CNGB1: variants seen among roughly 807,000 people sequenced by gnomAD.
CNGB1 encodes cyclic nucleotide gated channel subunit beta 1.
In CNGB1, 126 loss-of-function variants were observed where a neutral mutation model predicts 151.7. The observed-to-expected ratio is 0.83, with a 90% confidence interval of 0.72 to 0.96. The LOEUF is 0.96. Ranked by LOEUF, CNGB1 falls within the 40% of genes least tolerant of loss-of-function variation. The probability of loss-of-function intolerance (pLI) is 0.00; values close to 1 mark genes in which losing one functional copy is unlikely to be tolerated. For missense variants in CNGB1, 1,698 were observed against 1,627.0 expected, an observed-to-expected ratio of 1.04 and a Z score of -0.75; for synonymous variants, 623 against 635.1, an observed-to-expected ratio of 0.98 and a Z score of 0.29.
intron 14 of CNGB1, among the ~76,000 whole-genome samples, chr16:57,942,490 A>G (rs367795655): frequency 6.6e-6 from 1 of 152,330 alleles, no homozygotes; most frequent in East Asian, 1.9e-4. Context: ...GCTATAAAAT[A>G]AAATAAAATG....
chr16:57,956,982 G>C (rs1245445114), intron 12 of CNGB1, among the ~76,000 whole-genome samples: 4 of 152,144 alleles, frequency 2.6e-5, no homozygotes, highest in African/African-American at 9.7e-5. Context: ...CCTTCAGCTT[G>C]GCCAAACCCA....
chr16:57,907,589 G>A (rs1226548271), intron 25 of CNGB1, among the ~76,000 whole-genome samples: 2 of 152,208 alleles, frequency 1.3e-5, no homozygotes, highest in African/African-American at 4.8e-5. Context: ...CATTGTGCCT[G>A]TGGGAACACT....
intron 13 of CNGB1, among the ~76,000 whole-genome samples, chr16:57,949,766 A>G (rs776604217): frequency 2.6e-5 from 4 of 152,196 alleles, no homozygotes; most frequent in Non-Finnish European, 4.4e-5. Context: ...GTCACCAAGC[A>G]TCTCTAGTAG....
At chr16:57,926,147 C>G (rs1392020791) in intron 17 of CNGB1, among the ~76,000 whole-genome samples, 4 of 152,178 alleles carry the variant, frequency 2.6e-5, no homozygotes, top group African/African-American at 7.2e-5. Flanking sequence ...TCCCCAAATT[C>G]CACCCTTTCC....
chr16:57,928,418 A>C (rs777483698), intron 17 of CNGB1, among the ~76,000 whole-genome samples: 1 of 152,246 alleles, frequency 6.6e-6, no homozygotes, highest in Non-Finnish European at 1.5e-5. Context: ...AACAGCCATC[A>C]TAAGTGAGCA....
rs1249776752 is a variant in CNGB1 at position 57,964,174 on chromosome 16, G to C, written c.246C>G (p.Thr82=). 1 of 1,614,062 alleles carries C rather than the reference G, an allele frequency of 6.2e-7. No individual in the cohort carries two copies. Among genetic ancestry groups the C allele is most frequent in the African/African-American group, 1.3e-5 (1 of 74,922 alleles). ...QETKEAALTS[T]ISLRAQGAEI... is the part of the protein sequence containing the mutation. The stretch of plus-strand genomic sequence containing the variant: ...CAGCGCCCTGGGCCCGGAGGGATAT[G>C]GTGGAAGTAAGGGCAGCCTCCTTGG... Residue 82 remains threonine (T), a synonymous_variant, in exon 4 of 33, where the codon ACC becomes ACG. Coordinates refer to ENST00000251102, the MANE Select transcript of CNGB1 (RefSeq NM_001297.5).
intron 31 of CNGB1, among the ~76,000 whole-genome samples, chr16:57,892,329 T>G (rs372133845): frequency 6.6e-6 from 1 of 152,130 alleles, no homozygotes; most frequent in East Asian, 1.9e-4. Context: ...AAGGGTCCAC[T>G]CTACCTCCCT....
At chr16:57,923,166 A>T (rs531739544) in intron 18 of CNGB1, 107 bp downstream of exon 18, 1 of 803,898 alleles carries the variant, frequency 1.2e-6, no homozygotes, top group South Asian at 1.6e-5. Flanking sequence ...GCCACTGGCA[A>T]AGTCTGCCTT....
chr16:57,893,554 T>A (rs1960150210), intron 31 of CNGB1, among the ~76,000 whole-genome samples: 1 of 152,002 alleles, frequency 6.6e-6, no homozygotes, highest in South Asian at 2.1e-4. Flanking sequence ...TCCCAGCACT[T>A]TGGGAGGCCA....
chr16:57,921,258 T>C (rs1961028394), intron 18 of CNGB1, among the ~76,000 whole-genome samples: 1 of 148,158 alleles, frequency 6.7e-6, no homozygotes, highest in African/African-American at 2.5e-5. Flanking sequence ...GTTTCACTCT[T>C]GTCGCCCAGC....
chr16:57,948,471 T>C (rs1961864387), intron 14 of CNGB1, among the ~76,000 whole-genome samples: 1 of 151,980 alleles, frequency 6.6e-6, no homozygotes, highest in Non-Finnish European at 1.5e-5. Context: ...CCTGAAACAC[T>C]AACTTGGCTT....
At chr16:57,888,145 C>A in intron 31 of CNGB1, 71 bp from the exon 32 acceptor site, 3 of 1,475,118 alleles carry the variant, frequency 2.0e-6, no homozygotes, top group East Asian at 2.3e-5. Context: ...CTTCTGCAGC[C>A]TCCTTTAAGC....
intron 14 of CNGB1, among the ~76,000 whole-genome samples, chr16:57,945,350 T>C (rs1866334209): frequency 6.6e-6 from 1 of 152,242 alleles, no homozygotes; most frequent in South Asian, 2.1e-4. Context: ...CTCGGCTCTC[T>C]GCCTACAGCA....
intron 23 of CNGB1, among the ~76,000 whole-genome samples, chr16:57,913,885 G>C (rs1264079824): frequency 6.6e-6 from 1 of 152,234 alleles, no homozygotes; most frequent in African/African-American, 2.4e-5. Context: ...CCAGTAACTT[G>C]TCCAAAGCAC....
Position 57,893,763 on chromosome 16 carries a change from G to A in CNGB1, c.3242+3634C>T, listed in dbSNP as rs151310703. On this transcript the variant is annotated intron_variant, in intron 31 of 32. Coordinates refer to ENST00000251102, the MANE Select transcript of CNGB1 (RefSeq NM_001297.5). ...AGAGGTTACAGTGAGCCAGGATTGC[G>A]CCACTGCACTCCAGCCTTGGCGACA... 4.2e-4 allele frequency among the ~76,000 whole-genome samples: 64 copies of A among 152,192 alleles called. No individual in the cohort carries two copies. The South Asian group carries it at 6.2e-3, about 15-fold the overall frequency.
intron 18 of CNGB1, chr16:57,922,981 T>G (rs1325432279): frequency 3.0e-6 from 1 of 327,976 alleles, no homozygotes; most frequent in African/African-American, 2.1e-5. Flanking sequence ...TGCAGGCAGC[T>G]CCCCTCAGCC....
intron 29 of CNGB1, among the ~76,000 whole-genome samples, chr16:57,899,049 A>G (rs529505114): frequency 2.0e-5 from 3 of 152,184 alleles, no homozygotes; most frequent in Non-Finnish European, 4.4e-5. Context: ...AGGAGACACA[A>G]AAAAAACTAG....
At chr16:57,917,779 T>G (rs377148545) in intron 20 of CNGB1, among the ~76,000 whole-genome samples, 4 of 149,146 alleles carry the variant, frequency 2.7e-5, no homozygotes, top group Non-Finnish European at 4.5e-5. Flanking sequence ...CTGGACAACA[T>G]AGCAAGACCC....
At chr16:57,923,220 C>G in intron 18 of CNGB1, 53 bp downstream of exon 18, 1 of 1,092,442 alleles carries the variant, frequency 9.2e-7, no homozygotes, top group Non-Finnish European at 1.4e-6. Flanking sequence ...CCCCCCACAT[C>G]CCCCACCCTC....
Sources: gnomAD v4.1 joint callset for allele counts (sites outside exome capture counted in the v4.1 genomes callset) on GRCh38, gnomAD v4.1.1 for gene constraint, MANE v1.5 for transcripts, NCBI Gene and HGNC (gene_info 2026-07-23, HGNC 2026-07-21) for gene names.